The following GPC6 variants were observed in gnomAD, a reference collection of about 807,000 sequenced individuals.
GPC6 encodes the protein glypican-6.
Under a neutral mutation model 55.2 loss-of-function variants are expected in GPC6, and 14 were observed. The ratio of observed to expected loss-of-function variants is 0.25; its 90% confidence interval spans 0.17 to 0.40. The LOEUF (loss-of-function observed/expected upper bound fraction) is 0.40, where lower values mean the gene tolerates loss of function less well. Among genes scored for constraint, GPC6 ranks in the 10% least tolerant of loss-of-function variants. The pLI is 1.00. For synonymous variants in GPC6, 278 were observed against 259.6 expected (o/e 1.07, Z -0.68); for missense variants, 641 against 708.5 (o/e 0.90, Z 1.08).
intron 3 of GPC6, among the ~76,000 whole-genome samples, chr13:93,926,000 G>C (rs1410865101): frequency 2.0e-5 from 3 of 152,138 alleles, no homozygotes; most frequent in African/African-American, 7.2e-5. Context: ...CATCGTGTGG[G>C]TATCTTGGGC....
At chr13:94,283,706 A>G (rs1892451642) in intron 4 of GPC6, among the ~76,000 whole-genome samples, 1 of 152,230 alleles carries the variant, frequency 6.6e-6, no homozygotes, top group Non-Finnish European at 1.5e-5. Context: ...AGTCTTCTTT[A>G]AGGAGAAACA....
At chr13:93,863,434 C>T (rs1316041612) in intron 3 of GPC6, among the ~76,000 whole-genome samples, 1 of 151,664 alleles carries the variant, frequency 6.6e-6, no homozygotes, top group South Asian at 2.1e-4. Flanking sequence ...TATCATTTCT[C>T]TTAGTAATTT....
intron 2 of GPC6, among the ~76,000 whole-genome samples, chr13:93,810,261 A>C (rs1290814200): frequency 6.6e-6 from 1 of 152,210 alleles, no homozygotes; most frequent in Non-Finnish European, 1.5e-5. Context: ...AGCTACATTG[A>C]GTCCGTTTCA....
At chr13:93,690,032 CTTTAA>C (rs767204845) in intron 2 of GPC6, among the ~76,000 whole-genome samples, 24 of 152,082 alleles carry the variant, frequency 1.6e-4, no homozygotes, top group Non-Finnish European at 3.1e-4. Context: ...CATTTAGTTA[CTTTAA>C]TAACAAAGAA....
At chr13:93,767,337 G>C (rs956972326) in intron 2 of GPC6, among the ~76,000 whole-genome samples, 3 of 152,102 alleles carry the variant, frequency 2.0e-5, no homozygotes, top group Non-Finnish European at 2.9e-5. Flanking sequence ...ATGAGTTTCA[G>C]CTCTATACCA....
intron 3 of GPC6, among the ~76,000 whole-genome samples, chr13:94,004,000 G>A (rs981629202): frequency 3.3e-5 from 5 of 152,106 alleles, no homozygotes; most frequent in African/African-American, 1.2e-4. Flanking sequence ...GCAAATTAAT[G>A]AACTACTTTC....
chr13:93,363,626 T>C (rs1376823098), intron 1 of GPC6, among the ~76,000 whole-genome samples: 1 of 152,044 alleles, frequency 6.6e-6, no homozygotes, highest in Non-Finnish European at 1.5e-5. Context: ...GCAGCACAAT[T>C]TATAGTCCTT....
chr13:93,940,776 G>A (rs540180977), intron 3 of GPC6, among the ~76,000 whole-genome samples: 2 of 152,198 alleles, frequency 1.3e-5, no homozygotes, highest in African/African-American at 4.8e-5. Flanking sequence ...ATATTTTTTT[G>A]AAGAGTCCTT....
At chr13:93,751,170 CAAA>C (rs773240773) in intron 2 of GPC6, among the ~76,000 whole-genome samples, 1 of 144,586 alleles carries the variant, frequency 6.9e-6, no homozygotes, top group Non-Finnish European at 1.5e-5. Context: ...AACAAACAAA[CAAA>C]CAAACAAACA....
upstream of GPC6, among the ~76,000 whole-genome samples, chr13:93,226,408 A>T (rs1306237551): frequency 6.6e-6 from 1 of 152,226 alleles, no homozygotes; most frequent in Non-Finnish European, 1.5e-5. Context: ...CTTTAGAAAA[A>T]AACAAAGTCA....
chr13:93,552,047 A>G (rs1566419523), intron 2 of GPC6, among the ~76,000 whole-genome samples: 3 of 152,168 alleles, frequency 2.0e-5, no homozygotes, highest in African/African-American at 7.2e-5. Flanking sequence ...TGCAATTCAT[A>G]GGGCTTATAA....
chr13:94,114,579 G>A (rs1253850762), intron 4 of GPC6, among the ~76,000 whole-genome samples: 1 of 152,100 alleles, frequency 6.6e-6, no homozygotes, highest in Non-Finnish European at 1.5e-5. Context: ...TGTAGGATAG[G>A]TTAGGATAGT....
At chr13:93,265,021 G>A (rs1877277066) in intron 1 of GPC6, among the ~76,000 whole-genome samples, 1 of 152,016 alleles carries the variant, frequency 6.6e-6, no homozygotes, top group African/African-American at 2.4e-5. Flanking sequence ...ATTTCTTAGA[G>A]GTCTACTCTC....
At chr13:94,065,265 A>G (rs1884476208) in intron 4 of GPC6, among the ~76,000 whole-genome samples, 1 of 152,204 alleles carries the variant, frequency 6.6e-6, no homozygotes, top group Non-Finnish European at 1.5e-5. Context: ...AAACCAAGGC[A>G]GTGTGATCAG....
In GPC6 at chr13:94,262,800, A is replaced by G. The variant is rs541242275; in HGVS notation, c.878-23549A>G. Among the ~76,000 whole-genome samples, 17 of 152,328 alleles carry G rather than the reference A, an allele frequency of 1.1e-4. No individual in the cohort carries two copies. In the South Asian group the frequency reaches 2.5e-3, roughly 22 times the overall value. On this transcript the variant is annotated intron_variant, in intron 4 of 8. Transcript: ENST00000377047. Reference sequence around the variant, plus strand: ...TCTAGGGAAGAAATTGTTGCCTATAATAATGTAAAATAGGATTTAATCACA... The same window carrying G: ...TCTAGGGAAGAAATTGTTGCCTATAGTAATGTAAAATAGGATTTAATCACA...
At chr13:93,990,084 A>T (rs993479090) in intron 3 of GPC6, among the ~76,000 whole-genome samples, 6 of 151,946 alleles carry the variant, frequency 3.9e-5, no homozygotes, top group African/African-American at 1.4e-4. Context: ...TTTAAAATAT[A>T]TAAGAAAAAT....
intron 2 of GPC6, among the ~76,000 whole-genome samples, chr13:93,653,652 T>G (rs1036982428): frequency 4.0e-5 from 6 of 151,580 alleles, no homozygotes; most frequent in Non-Finnish European, 8.8e-5. Flanking sequence ...AAAATATATA[T>G]TTTTCTGATA....
rs116817768 is a variant in GPC6 at position 94,331,009 on chromosome 13, T to A, written c.1152+24886T>A. Among the ~76,000 whole-genome samples, 829 of 152,270 alleles carry A rather than the reference T, an allele frequency of 5.4e-3. 17 individuals carry two copies. Among genetic ancestry groups the A allele is most frequent in the African/African-American group, 0.019 (780 of 41,536 alleles). The stretch of plus-strand genomic sequence containing the variant: ...TCCCTCCAAATATTTAATAAAAAAA[T>A]TTGCCTCCTTTTTCTATCACATTTT... On this transcript the variant is annotated intron_variant, in intron 6 of 8. Transcript: ENST00000377047.
chr13:93,858,710 GC>G (rs1432458483), intron 3 of GPC6, among the ~76,000 whole-genome samples: 1 of 151,406 alleles, frequency 6.6e-6, no homozygotes, highest in African/African-American at 2.4e-5. Flanking sequence ...AATGAGAATG[GC>G]CTGTCAAATT....
Sources: allele counts gnomAD v4.1 joint callset (sites outside exome capture counted in the v4.1 genomes callset), GRCh38; gene constraint gnomAD v4.1.1; transcripts MANE v1.5; gene names NCBI Gene and HGNC (gene_info 2026-07-23, HGNC 2026-07-21).